Variants in CASD1 observed in about 807,000 individuals in gnomAD.
The protein encoded by CASD1 is CAS1 domain sialic acid O acetyltransferase 1, also known as N-acetylneuraminate (7)9-O-acetyltransferase.
In CASD1, 41 loss-of-function variants were observed where a neutral mutation model predicts 100.0. That is an observed-to-expected ratio of 0.41 (90% confidence interval 0.32 to 0.53). The LOEUF (loss-of-function observed/expected upper bound fraction) is 0.53. Among genes scored for constraint, CASD1 ranks in the 20% least tolerant of loss-of-function variants. CASD1 has a pLI of 0.25. For missense variants in CASD1, 774 were observed against 948.7 expected (o/e 0.82, Z 2.42); for synonymous variants, 321 against 315.6 (o/e 1.02, Z -0.18).
chr7:94,598,501 C>A, the CASD1 span: 1 of 385,452 alleles, frequency 2.6e-6, no homozygotes, highest in Non-Finnish European at 4.7e-6. Flanking sequence ...TTTGAGCAAA[C>A]ATGTAATGTT....
chr7:94,523,295 T>C (rs1457519596), intron 3 of CASD1, among the ~76,000 whole-genome samples: 2 of 152,148 alleles, frequency 1.3e-5, no homozygotes, highest in Non-Finnish European at 2.9e-5. Context: ...CCAAAAAATT[T>C]ATAGAAAATT....
the CASD1 span, among the ~76,000 whole-genome samples, chr7:94,572,269 A>G: frequency 5.9e-5 from 9 of 152,302 alleles, no homozygotes; most frequent in Admixed American, 4.6e-4. Context: ...TTTTTCTGAT[A>G]TCATATTCCA....
In CASD1 at chr7:94,517,569, C is replaced by T. The variant is rs749883611; in HGVS notation, c.143C>T (p.Ser48Leu). 4 of 1,607,866 alleles carry T rather than the reference C, an allele frequency of 2.5e-6. No individual in the cohort carries two copies. Among genetic ancestry groups the T allele is most frequent in the South Asian group, 1.1e-5 (1 of 90,396 alleles). ...LASRRYRGNDSCEYLLSSGRF... is the reference protein window; with the variant it reads ...LASRRYRGNDLCEYLLSSGRF... ...TGTTTAACTGTTTTAGGCAATGATT[C>T]GTGTGAATACCTTCTCTCAAGTGGC... Residue 48 changes from serine to leucine, a missense_variant, in exon 2 of 18, where the codon TCG becomes TTG. Ser to Leu is a moderately radical substitution (Grantham distance 145). Coordinates refer to ENST00000297273, the MANE Select transcript of CASD1 (RefSeq NM_022900.5).
intron 3 of CASD1, among the ~76,000 whole-genome samples, chr7:94,521,809 G>A (rs1033771318): frequency 5.3e-5 from 8 of 152,312 alleles, no homozygotes; most frequent in Non-Finnish European, 8.8e-5. Context: ...GGTAAAGCCA[G>A]GCACGGTGGC....
the CASD1 span, among the ~76,000 whole-genome samples, chr7:94,562,823 A>G: frequency 3.3e-5 from 5 of 152,098 alleles, no homozygotes; most frequent in Admixed American, 3.3e-4. Flanking sequence ...TGCCATGTCA[A>G]CATGTTCCAG....
At chr7:94,535,950 A>T (rs1584408134) in intron 8 of CASD1, among the ~76,000 whole-genome samples, 1 of 152,288 alleles carries the variant, frequency 6.6e-6, no homozygotes, top group Admixed American at 6.5e-5. Context: ...TTATTTCCCT[A>T]TAGCTCTTCT....
chr7:94,553,162 T>C (rs1469766850), intron 16 of CASD1: 1 of 471,728 alleles, frequency 2.1e-6, no homozygotes, highest in Non-Finnish European at 4.2e-6. Context: ...TGTATATCAC[T>C]TATACTATTA....
At chr7:94,520,710 C>T (rs1211499389) in intron 3 of CASD1, among the ~76,000 whole-genome samples, 1 of 152,200 alleles carries the variant, frequency 6.6e-6, no homozygotes, top group Non-Finnish European at 1.5e-5. Flanking sequence ...GTAATCCCAA[C>T]ACTTTGGGAG....
rs144173549 is a variant in CASD1, at chr7:94,533,714, G to A, written c.540G>A (p.Ala180=). The change falls in exon 7 of 18, where the codon GCG becomes GCA. Residue 180 remains alanine, a synonymous_variant. Coordinates refer to ENST00000297273, the MANE Select transcript of CASD1 (RefSeq NM_022900.5). ...AGATTCACAATGGTAGCAGTGAAGC[G>A]CTTTCTCAATATAAAATGAACATCA... ...SIKIHNGSSE[A]LSQYKMNITS... is the part of the protein sequence containing the mutation. 1.1e-3 allele frequency: 1,827 copies of A among 1,604,600 alleles called. 1 individual carries two copies. Among genetic ancestry groups the A allele is most frequent in the Middle Eastern group, 2.7e-3 (16 of 6,016 alleles).
chr7:94,586,887 T>C, the CASD1 span: 2 of 985,150 alleles, frequency 2.0e-6, no homozygotes. Context: ...TCTCTCTCCC[T>C]TTGGCACTTA....
chr7:94,562,110 C>T, the CASD1 span, among the ~76,000 whole-genome samples: 1 of 152,126 alleles, frequency 6.6e-6, no homozygotes, highest in Non-Finnish European at 1.5e-5. Context: ...GTAATATTTG[C>T]ACCTCTTGTA....
At chr7:94,552,541 C>G (rs1796001500) in intron 16 of CASD1, 114 bp downstream of exon 16, 1 of 693,760 alleles carries the variant, frequency 1.4e-6, no homozygotes, top group Admixed American at 3.0e-5. Context: ...GTTACTTCAT[C>G]TTTCTAAGCC....
chr7:94,536,512 G>T (rs982704677), intron 8 of CASD1, among the ~76,000 whole-genome samples: 2 of 152,142 alleles, frequency 1.3e-5, no homozygotes, highest in Non-Finnish European at 2.9e-5. Context: ...TTCTCCTGCA[G>T]AATAATGTGT....
At position 94,556,378 on chromosome 7, in the gene CASD1, T is replaced by G. The variant is rs1187422201; in HGVS notation, c.*620T>G. The stretch of plus-strand genomic sequence containing the variant: ...TATGCAAGCCTAAATCTTTGTACAC[T>G]TTGTCTCACAGAATAGTTCTGAGGC... On this transcript the variant is annotated 3_prime_UTR_variant, in exon 18 of 18. Coordinates refer to ENST00000297273, the MANE Select transcript of CASD1 (RefSeq NM_022900.5). The G allele has an allele frequency of 6.6e-6, 1 of 152,060 alleles. No homozygotes were observed. The highest frequency in any genetic ancestry group is 2.4e-5 in the African/African-American group (1 of 41,446). 9.4% of individuals were successfully genotyped at this position (152,060 alleles called of 1,614,324 possible). A position where few individuals can be genotyped will look rare whatever the true frequency, so the allele number is the denominator to read the frequency against.
chr7:94,544,547 A>G lies in CASD1; in HGVS notation c.1476+17A>G, dbSNP rs773069254. ...GTATGTCAGGTAGGAATGCACTGTT[A>G]TTTCCTTTTCTTCCAGTTGAACATA... On this transcript the variant is annotated intron_variant, in intron 11 of 17. Coordinates refer to ENST00000297273, the MANE Select transcript of CASD1 (RefSeq NM_022900.5). The G allele has an allele frequency of 6.3e-7, 1 of 1,599,800 alleles. No homozygotes were observed. The highest frequency in any genetic ancestry group is 1.1e-5 in the South Asian group (1 of 87,208).
At chr7:94,599,816 A>G in the CASD1 span, 2 of 946,586 alleles carry the variant, frequency 2.1e-6, no homozygotes, top group South Asian at 1.3e-5. Flanking sequence ...TGATGTGGAA[A>G]TGCTGACATT....
intron 1 of CASD1, among the ~76,000 whole-genome samples, chr7:94,512,982 G>C (rs1485665642): frequency 6.6e-6 from 1 of 152,158 alleles, no homozygotes; most frequent in South Asian, 2.1e-4. Context: ...TAGACAGTGG[G>C]GAGTATAGAA....
chr7:94,570,342 T>C, the CASD1 span, among the ~76,000 whole-genome samples: 2 of 152,178 alleles, frequency 1.3e-5, no homozygotes, highest in African/African-American at 2.4e-5. Flanking sequence ...TACTATGGTA[T>C]TCATATTTAA....
chr7:94,614,847 AT>A, the CASD1 span, among the ~76,000 whole-genome samples: 1 of 152,232 alleles, frequency 6.6e-6, no homozygotes, highest in Non-Finnish European at 1.5e-5. Flanking sequence ...CATTAAAAAA[AT>A]ACTGAATAAA....
Sources: gnomAD v4.1 joint callset for allele counts (sites outside exome capture counted in the v4.1 genomes callset) on GRCh38, gnomAD v4.1.1 for gene constraint, MANE v1.5 for transcripts, NCBI Gene and HGNC (gene_info 2026-07-23, HGNC 2026-07-21) for gene names.